The following LRRC42 variants were observed in gnomAD, a reference collection of about 807,000 sequenced individuals.
LRRC42 encodes the protein leucine-rich repeat-containing protein 42.
LRRC42 carries 43 observed loss-of-function variants against 44.3 expected under a neutral mutation model. The observed-to-expected ratio is 0.97, with a 90% CI of 0.76 to 1.25. The LOEUF is 1.25. Ranked by LOEUF, LRRC42 falls within the 50% of genes most tolerant of loss-of-function variation. LRRC42 has a pLI of 0.00. For missense variants in LRRC42, 540 were observed against 509.1 expected, an observed-to-expected ratio of 1.06 and a Z score of -0.58; for synonymous variants, 207 against 195.2, an observed-to-expected ratio of 1.06 and a Z score of -0.50.
At chr1:53,952,546 C>A in intron 3 of LRRC42, 74 bp downstream of exon 3, 2 of 1,247,452 alleles carry the variant, frequency 1.6e-6, no homozygotes, top group Non-Finnish European at 2.2e-6. Flanking sequence ...GCTTAGTGGG[C>A]TCAGGGGCTT....
chr1:53,958,288 C>G lies in LRRC42; in HGVS notation c.605+8C>G. 1 of 1,612,692 alleles carries G rather than the reference C, an allele frequency of 6.2e-7. No individual in the cohort carries two copies. Among genetic ancestry groups the G allele is most frequent in the Non-Finnish European group, 8.5e-7 (1 of 1,179,044 alleles). On this transcript the variant is annotated splice_region_variant and intron_variant, in intron 4 of 8. Coordinates refer to ENST00000371370, the MANE Select transcript of LRRC42 (RefSeq NM_001256409.2). ...CAATGAAGCCCTGTCTAGGTACTGA[C>G]CTGTCACCACTTGCAGATGAATTGT...
rs796838442 is a variant in LRRC42, at chr1:53,948,583, T to A, written c.-15+762T>A. Among the ~76,000 whole-genome samples, 4 of 152,220 alleles carry A rather than the reference T, an allele frequency of 2.6e-5. No homozygotes were observed. The South Asian group carries it at 8.3e-4, about 31-fold the overall frequency. ...CTTCCTGTAGCAGGCTGGGAAACTATCAAAATGTCGCTGTTACTCTTGATC... is the reference window on the plus strand; with the variant it reads ...CTTCCTGTAGCAGGCTGGGAAACTAACAAAATGTCGCTGTTACTCTTGATC... On this transcript the variant is annotated intron_variant, in intron 2 of 8. Coordinates refer to ENST00000371370, the MANE Select transcript of LRRC42 (RefSeq NM_001256409.2).
chr1:53,965,447 G>T (rs564584055), intron 7 of LRRC42, among the ~76,000 whole-genome samples: 3 of 150,560 alleles, frequency 2.0e-5, no homozygotes, highest in South Asian at 2.1e-4. Context: ...TTTTCTTAAT[G>T]TATAGTTTAT....
intron 2 of LRRC42, among the ~76,000 whole-genome samples, chr1:53,949,820 G>A (rs1654623448): frequency 6.6e-6 from 1 of 152,206 alleles, no homozygotes; most frequent in Admixed American, 6.5e-5. Context: ...CTGCAGAAGG[G>A]TCTGGCAAGT....
chr1:53,966,394 T>G lies in LRRC42; in HGVS notation c.1012+14T>G, dbSNP rs1169584568. 6.2e-7 allele frequency: 1 copy of G among 1,606,718 alleles called. No homozygotes were observed. Among genetic ancestry groups the G allele is most frequent in the Non-Finnish European group, 8.5e-7 (1 of 1,173,528 alleles). On this transcript the variant is annotated intron_variant, in intron 8 of 8. Transcript: ENST00000371370. ...CTCAGCGCTTCTGTGAGAAATTCCC[T>G]TTCCTTTGAAGTTTTTTGCCCTTTA...
chr1:53,966,216 GA>G, intron 7 of LRRC42, 79 bp from the exon 8 acceptor site: 25 of 1,167,024 alleles, frequency 2.1e-5, no homozygotes, highest in Non-Finnish European at 2.6e-5. Flanking sequence ...TATGGAGAGG[GA>G]AAAAGGGGGA....
At chr1:53,958,305 A>C in intron 4 of LRRC42, 25 bp downstream of exon 4, 1 of 1,612,052 alleles carries the variant, frequency 6.2e-7, no homozygotes, top group Non-Finnish European at 8.5e-7. Context: ...CCACTTGCAG[A>C]TGAATTGTTT....
intron 4 of LRRC42, among the ~76,000 whole-genome samples, chr1:53,958,660 C>T (rs1202269475): frequency 6.6e-6 from 1 of 152,160 alleles, no homozygotes; most frequent in Admixed American, 6.5e-5. Context: ...GATCTCAGCT[C>T]ACCGCAACCT....
rs80173136 is a variant in LRRC42 at position 53,952,490 on chromosome 1, A to G, written c.473+18A>G. The stretch of plus-strand genomic sequence containing the variant: ...CGAAACAGGTGGGTGTTCTGATTAG[A>G]TTATTCGGTATTTTATTGGGTGTGT... On this transcript the variant is annotated intron_variant, in intron 3 of 8. Coordinates refer to ENST00000371370, the MANE Select transcript of LRRC42 (RefSeq NM_001256409.2). 1.7e-3 allele frequency: 2,664 copies of G among 1,559,322 alleles called. 44 individuals carry two copies. In the African/African-American group the frequency reaches 0.032, roughly 19 times the overall value.
chr1:53,954,990 T>G (rs894219604), intron 3 of LRRC42, among the ~76,000 whole-genome samples: 1 of 152,216 alleles, frequency 6.6e-6, no homozygotes, highest in African/African-American at 2.4e-5. Context: ...TTTGTACAAG[T>G]GAAAATCTAA....
chr1:53,964,825 T>C (rs890947013), intron 7 of LRRC42, among the ~76,000 whole-genome samples: 1 of 152,024 alleles, frequency 6.6e-6, no homozygotes, highest in African/African-American at 2.4e-5. Context: ...GGCAAATAAG[T>C]GGTGGAGCCA....
At position 53,966,450 on chromosome 1, in the gene LRRC42, C is replaced by T. The variant is rs56317897; in HGVS notation, c.1012+70C>T. On this transcript the variant is annotated intron_variant, in intron 8 of 8. Coordinates refer to ENST00000371370, the MANE Select transcript of LRRC42 (RefSeq NM_001256409.2). ...ATCCTTAAAGCAGTTCGCTTGTTTT[C>T]CCTCCTTGGAAAAATTAATTATGAT... The T allele has an allele frequency of 2.4e-3, 2,591 of 1,070,340 alleles. 8 individuals are homozygous for T. Among genetic ancestry groups the T allele is most frequent in the Non-Finnish European group, 3.2e-3 (2,207 of 695,264 alleles). The allele number at this position is 1,070,340 out of a possible 1,614,324, so 66.3% of individuals were successfully genotyped here. A position where few individuals can be genotyped will look rare whatever the true frequency, so the allele number is the denominator to read the frequency against.
intron 8 of LRRC42, 64 bp downstream of exon 8, chr1:53,966,444 T>G: frequency 2.6e-6 from 3 of 1,134,014 alleles, no homozygotes; most frequent in Non-Finnish European, 4.0e-6. Context: ...GCAGTTCGCT[T>G]GTTTTCCCTC....
chr1:53,963,840 C>T (rs188490530), intron 7 of LRRC42, among the ~76,000 whole-genome samples: 3 of 152,282 alleles, frequency 2.0e-5, no homozygotes, highest in African/African-American at 4.8e-5. Flanking sequence ...AAGTATGCTC[C>T]TTTATTCCAG....
intron 4 of LRRC42, among the ~76,000 whole-genome samples, chr1:53,959,657 G>C (rs967362822): frequency 6.6e-6 from 1 of 152,230 alleles, no homozygotes; most frequent in South Asian, 2.1e-4. Context: ...GATAAAGCTG[G>C]TTAAATTTAG....
Position 53,958,232 on chromosome 1 carries a change from G to A in LRRC42, c.557G>A (p.Gly186Glu). ...TCLDLSCCKL[G>E]DEHELLEHLT... ...CTGGATCTTTCCTGTTGCAAGCTTG[G>A]AGATGAGCATGAACTTCTAGAACAT... Residue 186 changes from glycine to glutamate, a missense_variant, in exon 4 of 9, where the codon GGA (glycine) becomes GAA (glutamate). Transcript: ENST00000371370. 1 of 1,613,852 alleles carries A rather than the reference G, an allele frequency of 6.2e-7. No individual in the cohort carries two copies. The highest frequency in any genetic ancestry group is 8.5e-7 in the Non-Finnish European group (1 of 1,179,810).
chr1:53,958,206 C>A lies in LRRC42; in HGVS notation c.531C>A (p.Cys177Ter). Residue 177 changes from cysteine (C) to a stop codon, truncating the protein, a stop_gained, in exon 4 of 9, where the codon TGC (cysteine) becomes TGA (stop). Coordinates refer to ENST00000371370, the MANE Select transcript of LRRC42 (RefSeq NM_001256409.2). LOFTEE classifies it high-confidence loss of function. ...TTAAGTCTTTCCGGGAGCTGACCTG[C>A]CTGGATCTTTCCTGTTGCAAGCTTG... Reference protein sequence around the residue: ...EEIKSFRELTCLDLSCCKLGD... With the variant: ...EEIKSFRELT 8 of 1,613,906 alleles carry A rather than the reference C, an allele frequency of 5.0e-6. No individual in the cohort carries two copies. Among genetic ancestry groups the A allele is most frequent in the Non-Finnish European group, 6.8e-6 (8 of 1,179,862 alleles).
intron 7 of LRRC42, among the ~76,000 whole-genome samples, chr1:53,964,254 C>T (rs1057152785): frequency 1.3e-5 from 2 of 152,078 alleles, no homozygotes. Flanking sequence ...TCCTGGCTCT[C>T]CCCCAACTTT....
At chr1:53,963,596 A>G (rs2100931022) in intron 7 of LRRC42, among the ~76,000 whole-genome samples, 1 of 152,340 alleles carries the variant, frequency 6.6e-6, no homozygotes. Context: ...CTGGCCTGAG[A>G]GTAAGTTGAC....
Sources: allele counts gnomAD v4.1 joint callset (sites outside exome capture counted in the v4.1 genomes callset), GRCh38; gene constraint gnomAD v4.1.1; transcripts MANE v1.5; gene names NCBI Gene and HGNC (gene_info 2026-07-23, HGNC 2026-07-21).